Variants in RIMS2 observed in about 807,000 individuals in gnomAD.
RIMS2 encodes the protein regulating synaptic membrane exocytosis 2.
A neutral mutation model predicts 174.4 loss-of-function variants in RIMS2; 59 were observed. The observed-to-expected ratio is 0.34, with a 90% CI of 0.27 to 0.42. RIMS2 has a LOEUF of 0.42. Among genes scored for constraint, RIMS2 ranks in the 10% least tolerant of loss-of-function variants. The probability of loss-of-function intolerance (pLI) is 1.00; values close to 1 mark genes in which losing one functional copy is unlikely to be tolerated. For missense variants in RIMS2, 1,620 were observed against 1,666.3 expected (o/e 0.97, Z 0.48); for synonymous variants, 606 against 572.5 (o/e 1.06, Z -0.84).
chr8:103,986,613 TA>T (rs1430373494), intron 16 of RIMS2, among the ~76,000 whole-genome samples: 1 of 152,094 alleles, frequency 6.6e-6, no homozygotes, highest in Non-Finnish European at 1.5e-5. Context: ...GAAATTGATA[TA>T]AAATATTAAA....
At chr8:103,809,528 T>C in intron 3 of RIMS2, among the ~76,000 whole-genome samples, 1 of 152,088 alleles carries the variant, frequency 6.6e-6, no homozygotes, top group East Asian at 1.9e-4. Context: ...TGTGAGCTCT[T>C]TAGTACTTAG....
chr8:103,860,682 AAG>A (rs1329305739), intron 3 of RIMS2, among the ~76,000 whole-genome samples: 1 of 152,166 alleles, frequency 6.6e-6, no homozygotes, highest in Non-Finnish European at 1.5e-5. Context: ...TTAAAAAAAA[AAG>A]TATGTGGGAA....
intron 19 of RIMS2, among the ~76,000 whole-genome samples, chr8:104,162,894 T>C (rs1232295123): frequency 1.3e-5 from 2 of 152,178 alleles, no homozygotes; most frequent in Non-Finnish European, 2.9e-5. Context: ...TTTAAGGCCA[T>C]TTTAAATGAA....
intron 19 of RIMS2, among the ~76,000 whole-genome samples, chr8:104,034,158 T>G (rs1033144433): frequency 2.0e-5 from 3 of 152,188 alleles, no homozygotes; most frequent in African/African-American, 7.2e-5. Flanking sequence ...ATATATTGTT[T>G]TCTTTTTCAA....
chr8:103,921,751 G>T (rs748015561), exon 10 of RIMS2: 5 of 1,526,148 alleles, frequency 3.3e-6, no homozygotes, highest in Admixed American at 3.3e-5. Flanking sequence ...GAATGTTGAG[G>T]GATGTCCCAC....
At chr8:103,603,568 G>A (rs1429799814) in intron 1 of RIMS2, among the ~76,000 whole-genome samples, 9 of 152,052 alleles carry the variant, frequency 5.9e-5, no homozygotes, top group Non-Finnish European at 1.0e-4. Flanking sequence ...CTGATGAATC[G>A]CCACATTGAC....
At chr8:103,580,701 G>A (rs1470815418) in intron 1 of RIMS2, among the ~76,000 whole-genome samples, 3 of 151,786 alleles carry the variant, frequency 2.0e-5, no homozygotes, top group East Asian at 1.9e-4. Flanking sequence ...GTGGTAAAAC[G>A]TTTACCATCA....
At chr8:103,751,954 A>G (rs1368954543) in intron 2 of RIMS2, among the ~76,000 whole-genome samples, 2 of 152,098 alleles carry the variant, frequency 1.3e-5, no homozygotes, top group Non-Finnish European at 2.9e-5. Flanking sequence ...CTTTAGTTTA[A>G]TTAGATCCCA....
intron 1 of RIMS2, among the ~76,000 whole-genome samples, chr8:103,646,630 A>G (rs1293715795): frequency 6.6e-6 from 1 of 152,068 alleles, no homozygotes; most frequent in African/African-American, 2.4e-5. Context: ...GCTCCAACTT[A>G]TAAGTGAGAA....
intron 19 of RIMS2, among the ~76,000 whole-genome samples, chr8:104,169,448 G>A (rs2098819412): frequency 6.6e-6 from 1 of 151,134 alleles, no homozygotes; most frequent in Non-Finnish European, 1.5e-5. Context: ...ATCTCCTCCA[G>A]ATTTTCTAGT....
At position 103,881,684 on chromosome 8, in the gene RIMS2, T is replaced by A. The variant is rs116196753; in HGVS notation, c.699-3614T>A. ...ACAAGCTAGAATATTTAGAAATAGA[T>A]TGAATAGTCCACATGACAAACAATT... On this transcript the variant is annotated intron_variant, in intron 3 of 23. Coordinates refer to ENST00000504942, the Ensembl canonical transcript of RIMS2. Among the ~76,000 whole-genome samples, 759 of 151,626 alleles carry A rather than the reference T, an allele frequency of 5.0e-3. 6 individuals are homozygous for A. Among genetic ancestry groups the A allele is most frequent in the African/African-American group, 0.018 (726 of 41,474 alleles).
chr8:103,583,965 A>T (rs2093760586), intron 1 of RIMS2, among the ~76,000 whole-genome samples: 1 of 152,180 alleles, frequency 6.6e-6, no homozygotes, highest in Admixed American at 6.6e-5. Flanking sequence ...CAAGTACAAG[A>T]AGGTTATAGA....
intron 19 of RIMS2, among the ~76,000 whole-genome samples, chr8:104,236,758 T>C (rs909925211): frequency 1.3e-5 from 2 of 152,018 alleles, no homozygotes; most frequent in African/African-American, 4.8e-5. Context: ...ATTAGAAACA[T>C]AAAAAATTAG....
intron 16 of RIMS2, among the ~76,000 whole-genome samples, chr8:103,985,924 C>T (rs1006352113): frequency 6.6e-6 from 1 of 152,052 alleles, no homozygotes; most frequent in African/African-American, 2.4e-5. Context: ...GTTGCAGTTT[C>T]TGAAGCAGAG....
intron 19 of RIMS2, among the ~76,000 whole-genome samples, chr8:104,244,387 A>G (rs1159488630): frequency 6.6e-6 from 1 of 151,142 alleles, no homozygotes; most frequent in Non-Finnish European, 1.5e-5. Context: ...TTTCCTTCTA[A>G]TATCTATCAC....
At chr8:104,183,507 T>G (rs1375541839) in intron 19 of RIMS2, among the ~76,000 whole-genome samples, 1 of 151,554 alleles carries the variant, frequency 6.6e-6, no homozygotes, top group East Asian at 1.9e-4. Flanking sequence ...AACTAGACAA[T>G]TTTGAATACT....
chr8:103,695,097 G>A (rs758224283), intron 1 of RIMS2, among the ~76,000 whole-genome samples: 1 of 152,194 alleles, frequency 6.6e-6, no homozygotes, highest in African/African-American at 2.4e-5. Context: ...CTAGCGATGA[G>A]TATCTCTGTT....
chr8:103,579,386 C>T (rs535270454), intron 1 of RIMS2, among the ~76,000 whole-genome samples: 1 of 152,158 alleles, frequency 6.6e-6, no homozygotes, highest in Admixed American at 6.6e-5. Context: ...ATAAAACCTA[C>T]TGATAAAATT....
intron 2 of RIMS2, among the ~76,000 whole-genome samples, chr8:103,728,189 T>C (rs2097546803): frequency 6.6e-6 from 1 of 152,138 alleles, no homozygotes; most frequent in Non-Finnish European, 1.5e-5. Flanking sequence ...TTAATTTTAT[T>C]TGTGTTTATT....
Sources: allele counts gnomAD v4.1 joint callset (sites outside exome capture counted in the v4.1 genomes callset), GRCh38; gene constraint gnomAD v4.1.1; transcripts MANE v1.5; gene names NCBI Gene and HGNC (gene_info 2026-07-23, HGNC 2026-07-21).